Variants in FAM185A observed in about 807,000 individuals in gnomAD.
FAM185A encodes the protein protein FAM185A.
Under a neutral mutation model 45.7 loss-of-function variants are expected in FAM185A, and 21 were observed. That is an observed-to-expected ratio of 0.46 (90% CI 0.33 to 0.66). The LOEUF is 0.66. Ranked by LOEUF, FAM185A falls within the 30% of genes least tolerant of loss-of-function variation. The pLI, the probability that FAM185A is intolerant of heterozygous loss-of-function variation, is 0.03. For synonymous variants in FAM185A, 117 were observed against 194.0 expected (o/e 0.60, Z 3.30); for missense variants, 305 against 485.4 (o/e 0.63, Z 3.49).
At chr7:102,777,708 T>C (rs1225913348) in intron 6 of FAM185A, among the ~76,000 whole-genome samples, 2 of 152,294 alleles carry the variant, frequency 1.3e-5, no homozygotes, top group Non-Finnish European at 2.9e-5. Flanking sequence ...GAAGCTTCTC[T>C]GCCAGCCTGT....
chr7:102,800,014 G>A (rs1463707323), intron 7 of FAM185A, among the ~76,000 whole-genome samples: 1 of 152,134 alleles, frequency 6.6e-6, no homozygotes, highest in Non-Finnish European at 1.5e-5. Context: ...GGACCCAAGA[G>A]ACACCCGAAA....
intron 2 of FAM185A, among the ~76,000 whole-genome samples, chr7:102,752,393 T>G (rs1472324954): frequency 1.3e-5 from 2 of 151,394 alleles, no homozygotes; most frequent in East Asian, 2.0e-4. Flanking sequence ...TGCCTCAGCC[T>G]CCCAAGTAGC....
At chr7:102,793,777 G>A (rs1796278766) in intron 7 of FAM185A, among the ~76,000 whole-genome samples, 1 of 151,414 alleles carries the variant, frequency 6.6e-6, no homozygotes. Context: ...GGTCGCTCAC[G>A]CCTGTAATCC....
At chr7:102,766,623 G>C (rs1037384360) in intron 4 of FAM185A, among the ~76,000 whole-genome samples, 2 of 143,820 alleles carry the variant, frequency 1.4e-5, no homozygotes, top group Non-Finnish European at 3.0e-5. Flanking sequence ...TTTTAAAACA[G>C]AATCTTTTAT....
chr7:102,823,085 C>CA, the FAM185A span, among the ~76,000 whole-genome samples: 9 of 151,920 alleles, frequency 5.9e-5, no homozygotes, highest in Non-Finnish European at 7.4e-5. Context: ...ACCCCCCACA[C>CA]AAAAAAAGTT....
At position 102,776,015 on chromosome 7, in the gene FAM185A, C is replaced by T. The variant is rs577009648; in HGVS notation, c.836-1238C>T. 2.1e-4 allele frequency among the ~76,000 whole-genome samples: 32 copies of T among 151,714 alleles called. No individual in the cohort carries two copies. The East Asian group carries it at 5.8e-3, about 28-fold the overall frequency. On this transcript the variant is annotated intron_variant, in intron 5 of 7. Transcript: ENST00000413034. ...AAATTATTATAAATGATCTTGGAGC[C>T]GCATTTTAAACAGTTTATTCCAAAT...
chr7:102,837,358 A>G, the FAM185A span, among the ~76,000 whole-genome samples: 1 of 152,364 alleles, frequency 6.6e-6, no homozygotes, highest in Admixed American at 6.5e-5. Flanking sequence ...TAAAACATGG[A>G]GAGAACTCTG....
intron 6 of FAM185A, among the ~76,000 whole-genome samples, chr7:102,787,022 C>A (rs756409605): frequency 2.0e-5 from 3 of 152,126 alleles, no homozygotes; most frequent in Non-Finnish European, 2.9e-5. Flanking sequence ...CAAATCCTAT[C>A]TATAAGCTAC....
At chr7:102,755,580 G>A (rs923712278) in intron 2 of FAM185A, 2 of 631,102 alleles carry the variant, frequency 3.2e-6, no homozygotes, top group African/African-American at 1.8e-5. Context: ...CACCTTTGTG[G>A]ATAACAAGAA....
At chr7:102,811,190 C>T (rs1797411513), downstream of FAM185A, among the ~76,000 whole-genome samples, 2 of 152,052 alleles carry the variant, frequency 1.3e-5, no homozygotes. Context: ...CCAGAAAAGT[C>T]ATAAGCATAA....
At chr7:102,781,900 A>G (rs1412596525) in intron 6 of FAM185A, among the ~76,000 whole-genome samples, 1 of 151,936 alleles carries the variant, frequency 6.6e-6, no homozygotes, top group African/African-American at 2.4e-5. Context: ...GAAGTTAAAA[A>G]CCTTGAAAAA....
At chr7:102,824,874 G>A in the FAM185A span, among the ~76,000 whole-genome samples, 1 of 146,998 alleles carries the variant, frequency 6.8e-6, no homozygotes, top group Non-Finnish European at 1.5e-5. Flanking sequence ...TCTTCTTGCC[G>A]TAGCCTCCCA....
the FAM185A span, among the ~76,000 whole-genome samples, chr7:102,838,950 G>A: frequency 6.6e-6 from 1 of 152,204 alleles, no homozygotes; most frequent in Admixed American, 6.5e-5. Flanking sequence ...GTGCTGAGGA[G>A]GATAGTAAAA....
At chr7:102,849,657 T>C in the FAM185A span, among the ~76,000 whole-genome samples, 2 of 152,208 alleles carry the variant, frequency 1.3e-5, no homozygotes, top group African/African-American at 4.8e-5. Context: ...AGGTAAGGAA[T>C]TGTGAAATTA....
intron 6 of FAM185A, among the ~76,000 whole-genome samples, chr7:102,781,006 G>A (rs1470236980): frequency 1.3e-5 from 2 of 152,218 alleles, no homozygotes; most frequent in Non-Finnish European, 2.9e-5. Flanking sequence ...GGCACACCAG[G>A]AGATTATATC....
chr7:102,799,304 G>C (rs576207924), intron 7 of FAM185A, among the ~76,000 whole-genome samples: 1 of 152,044 alleles, frequency 6.6e-6, no homozygotes, highest in Admixed American at 6.5e-5. Context: ...GAGAAGAAGA[G>C]GGAAAAAGCT....
chr7:102,763,755 TATG>T (rs1485633587), intron 4 of FAM185A, among the ~76,000 whole-genome samples: 1 of 152,222 alleles, frequency 6.6e-6, no homozygotes, highest in African/African-American at 2.4e-5. Flanking sequence ...GCCCTTCAGT[TATG>T]ATGTGGGATC....
chr7:102,774,873 T>C (rs1794961031), intron 5 of FAM185A, among the ~76,000 whole-genome samples: 1 of 152,218 alleles, frequency 6.6e-6, no homozygotes, highest in Admixed American at 6.5e-5. Context: ...AGTGCTGGAA[T>C]TACAGGCATA....
At chr7:102,831,433 C>T in the FAM185A span, among the ~76,000 whole-genome samples, 8 of 130,876 alleles carry the variant, frequency 6.1e-5, no homozygotes, top group South Asian at 7.0e-4. Flanking sequence ...ACACACACAC[C>T]CCACTACAGA....
Sources: allele counts gnomAD v4.1 joint callset (sites outside exome capture counted in the v4.1 genomes callset), GRCh38; gene constraint gnomAD v4.1.1; transcripts MANE v1.5; gene names NCBI Gene and HGNC (gene_info 2026-07-23, HGNC 2026-07-21).